RNF24: variants seen among roughly 807,000 people sequenced by gnomAD.
RNF24 encodes the protein ring finger protein 24.
A neutral mutation model predicts 20.0 loss-of-function variants in RNF24; 14 were observed. The ratio of observed to expected loss-of-function variants is 0.70; its 90% CI spans 0.46 to 1.10. The LOEUF is 1.10. Among genes scored for constraint, RNF24 ranks in the 50% least tolerant of loss-of-function variants. The pLI is 0.00. For synonymous variants in RNF24, 45 were observed against 61.1 expected, an observed-to-expected ratio of 0.74 and a Z score of 1.23; for missense variants, 124 against 177.6, an observed-to-expected ratio of 0.70 and a Z score of 1.71.
chr20:3,982,103 G>GTCTCTCTCCCTCTCTCTCTCTCTCTC (rs1979445915), intron 1 of RNF24, among the ~76,000 whole-genome samples: 1 of 137,026 alleles, frequency 7.3e-6, no homozygotes, highest in Non-Finnish European at 1.6e-5. Context: ...GTGAGACCTC[G>GTCTCTCTCCCTCTCTCTCTCTCTCTC]TCTCTCTCTC....
intron 1 of RNF24, among the ~76,000 whole-genome samples, chr20:4,003,173 C>G (rs976319260): frequency 1.3e-5 from 2 of 152,054 alleles, no homozygotes; most frequent in Non-Finnish European, 2.9e-5. Context: ...GTTTCACCAT[C>G]TGGGACAGGC....
chr20:4,002,402 C>CA (rs1158956089), intron 1 of RNF24, among the ~76,000 whole-genome samples: 2 of 151,506 alleles, frequency 1.3e-5, no homozygotes, highest in Non-Finnish European at 2.9e-5. Flanking sequence ...AAACAAAAAA[C>CA]AAAAAAACAA....
In RNF24 at chr20:3,933,844, C is replaced by T; in HGVS notation, c.*219G>A. On this transcript the variant is annotated 3_prime_UTR_variant, in exon 6 of 6. Coordinates refer to ENST00000358395, the MANE Select transcript of RNF24 (RefSeq NM_001134337.3). ...CTTGAGGCAAACCCGCAGGCTCATCCACTCCTCTTCTCTCGGCAGGGGGTA... is the reference window on the plus strand; with the variant it reads ...CTTGAGGCAAACCCGCAGGCTCATCTACTCCTCTTCTCTCGGCAGGGGGTA... 1 of 378,704 alleles carries T rather than the reference C, an allele frequency of 2.6e-6. No individual in the cohort carries two copies. The highest frequency in any genetic ancestry group is 4.6e-5 in the Admixed American group (1 of 21,962). 23.5% of individuals were successfully genotyped at this position (378,704 alleles called of 1,614,324 possible).
In RNF24 at chr20:3,933,998, C is replaced by T; in HGVS notation, c.*65G>A. ...AGGTAGAGAGCAGCCATACAGACAC[C>T]ACATGTGTTCCTCCTGGCTCCACAC... On this transcript the variant is annotated 3_prime_UTR_variant, in exon 6 of 6. Coordinates refer to ENST00000358395, the MANE Select transcript of RNF24 (RefSeq NM_001134337.3). The T allele has an allele frequency of 7.2e-7, 1 of 1,392,786 alleles. No individual in the cohort carries two copies. 86.3% of individuals were successfully genotyped at this position (1,392,786 alleles called of 1,614,324 possible). A position where few individuals can be genotyped will look rare whatever the true frequency, so the allele number is the denominator to read the frequency against.
chr20:3,967,016 CTTTG>C (rs1269369130), intron 1 of RNF24, among the ~76,000 whole-genome samples: 2 of 152,112 alleles, frequency 1.3e-5, no homozygotes, highest in Non-Finnish European at 2.9e-5. Context: ...ATTTTTCTCT[CTTTG>C]TTTTAGTAAA....
Position 4,013,607 on chromosome 20 carries a change from G to A in RNF24, c.-8+1830C>T, listed in dbSNP as rs555004715. Among the ~76,000 whole-genome samples, 4 of 151,550 alleles carry A rather than the reference G, an allele frequency of 2.6e-5. No homozygotes were observed. In the South Asian group the frequency reaches 8.3e-4, roughly 32 times the overall value. ...AGCGATTCTCCTGCCTCAGCCTCCC[G>A]AGTAGCTGGAATTACAGGCGCTCGC... On this transcript the variant is annotated intron_variant, in intron 1 of 5. Transcript: ENST00000358395.
chr20:3,963,474 T>C (rs543040678), intron 2 of RNF24, among the ~76,000 whole-genome samples: 2 of 152,398 alleles, frequency 1.3e-5, no homozygotes, highest in East Asian at 3.9e-4. Context: ...ATTACAGGCA[T>C]GAGCCACTGC....
At chr20:3,960,410 C>T (rs1315677451) in intron 2 of RNF24, among the ~76,000 whole-genome samples, 3 of 152,190 alleles carry the variant, frequency 2.0e-5, no homozygotes, top group Non-Finnish European at 4.4e-5. Context: ...TGGCTCATGC[C>T]TGTAATCCCA....
chr20:3,946,918 C>T (rs942049946), intron 3 of RNF24, among the ~76,000 whole-genome samples: 2 of 151,960 alleles, frequency 1.3e-5, no homozygotes, highest in Admixed American at 6.6e-5. Context: ...CCTGGCTGGG[C>T]GCGGTGGCTC....
chr20:3,996,011 T>C (rs971961481), intron 1 of RNF24, among the ~76,000 whole-genome samples: 1 of 152,210 alleles, frequency 6.6e-6, no homozygotes, highest in Non-Finnish European at 1.5e-5. Context: ...TCTGGTTTTA[T>C]AGATGGATAT....
In RNF24 at chr20:3,946,503, A is replaced by G. The variant is rs569613073; in HGVS notation, c.187-1285T>C. Among the ~76,000 whole-genome samples, 58 of 152,126 alleles carry G rather than the reference A, an allele frequency of 3.8e-4. 1 individual carries two copies. The highest frequency in any genetic ancestry group is 1.3e-3 in the African/African-American group (55 of 41,512). On this transcript the variant is annotated intron_variant, in intron 3 of 5. Transcript: ENST00000358395. ...ACAGATTATGATAGGAGTCTGGGCA[A>G]CATGGGGAGACCCCATCTCTACAAA...
chr20:4,010,246 G>A lies in RNF24; in HGVS notation c.-8+5191C>T, dbSNP rs556067316. Reference sequence around the variant, plus strand: ...AAATTAGCTGGACATGGTGGCGCACGCCTGTAGTCCCAGCTACTCGGGAGG... The same window carrying A: ...AAATTAGCTGGACATGGTGGCGCACACCTGTAGTCCCAGCTACTCGGGAGG... On this transcript the variant is annotated intron_variant, in intron 1 of 5. Coordinates refer to ENST00000358395, the MANE Select transcript of RNF24 (RefSeq NM_001134337.3). Among the ~76,000 whole-genome samples, 32 of 150,436 alleles carry A rather than the reference G, an allele frequency of 2.1e-4. No individual in the cohort carries two copies. In the South Asian group the frequency reaches 6.6e-3, roughly 31 times the overall value.
chr20:3,988,011 T>TA (rs11362888), intron 1 of RNF24, among the ~76,000 whole-genome samples: 49 of 148,390 alleles, frequency 3.3e-4, no homozygotes, highest in Admixed American at 5.4e-4. Flanking sequence ...CAGCTTAAAA[T>TA]AAAAAAAAAA....
intron 1 of RNF24, among the ~76,000 whole-genome samples, chr20:4,012,032 T>G (rs1471750012): frequency 3.9e-5 from 6 of 152,202 alleles, no homozygotes; most frequent in Non-Finnish European, 5.9e-5. Flanking sequence ...TTTTTCTCAG[T>G]CTCAACATGG....
intron 1 of RNF24, among the ~76,000 whole-genome samples, chr20:4,006,499 A>G: frequency 6.6e-6 from 1 of 152,212 alleles, no homozygotes; most frequent in Admixed American, 6.5e-5. Context: ...ACTTTAAGAA[A>G]AGTTGACAAA....
intron 1 of RNF24, among the ~76,000 whole-genome samples, chr20:3,975,541 T>C (rs796187501): frequency 4.6e-5 from 7 of 152,076 alleles, no homozygotes; most frequent in African/African-American, 1.2e-4. Context: ...CAAAATTCAA[T>C]AGTAAAAAAA....
At chr20:3,940,822 T>A (rs2090946266) in intron 4 of RNF24, among the ~76,000 whole-genome samples, 1 of 152,102 alleles carries the variant, frequency 6.6e-6, no homozygotes, top group South Asian at 2.1e-4. Flanking sequence ...TCTTCAGGAA[T>A]GAAGGTGAAA....
chr20:3,988,989 T>C (rs1980170406), intron 1 of RNF24, among the ~76,000 whole-genome samples: 1 of 152,042 alleles, frequency 6.6e-6, no homozygotes, highest in African/African-American at 2.4e-5. Flanking sequence ...CAAAAGAAGA[T>C]GTGAATGACT....
intron 2 of RNF24, among the ~76,000 whole-genome samples, chr20:3,954,138 T>C (rs568716735): frequency 6.6e-6 from 1 of 152,284 alleles, no homozygotes; most frequent in African/African-American, 2.4e-5. Context: ...AATTCAGTGG[T>C]AAGTAGTGTA....
Sources: gnomAD v4.1 joint callset for allele counts (sites outside exome capture counted in the v4.1 genomes callset) on GRCh38, gnomAD v4.1.1 for gene constraint, MANE v1.5 for transcripts, NCBI Gene and HGNC (gene_info 2026-07-23, HGNC 2026-07-21) for gene names.